Variants in KAZN observed in about 807,000 individuals in gnomAD.
The protein encoded by KAZN is kazrin, periplakin interacting protein.
A neutral mutation model predicts 87.4 loss-of-function variants in KAZN; 40 were observed. That is an observed-to-expected ratio of 0.46 (90% confidence interval 0.36 to 0.60). KAZN has a LOEUF of 0.60. KAZN is among the 20% of genes least tolerant of loss of function. The probability of loss-of-function intolerance (pLI) is 0.00; values close to 1 mark genes in which losing one functional copy is unlikely to be tolerated. For synonymous variants in KAZN, 466 were observed against 458.3 expected (o/e 1.02, Z -0.22); for missense variants, 898 against 1,073.9 (o/e 0.84, Z 2.29).
chr1:14,628,500 A>G (rs748864707), intron 1 of KAZN, among the ~76,000 whole-genome samples: 7 of 152,266 alleles, frequency 4.6e-5, no homozygotes, highest in Non-Finnish European at 7.3e-5. Context: ...CTGGAAGCAC[A>G]GAGACATGAA....
chr1:14,022,375 G>A (rs1305761162), intron 1 of KAZN, among the ~76,000 whole-genome samples: 2 of 150,730 alleles, frequency 1.3e-5, no homozygotes, highest in African/African-American at 4.9e-5. Context: ...TAAGAGAATT[G>A]CAAGTACACA....
chr1:14,105,332 A>G (rs901901816), intron 1 of KAZN, among the ~76,000 whole-genome samples: 5 of 152,240 alleles, frequency 3.3e-5, no homozygotes, highest in African/African-American at 1.2e-4. Context: ...CACTTGGCCA[A>G]GAGTTGGAGT....
intron 1 of KAZN, among the ~76,000 whole-genome samples, chr1:14,861,099 C>T (rs1373457160): frequency 2.6e-5 from 4 of 152,198 alleles, no homozygotes; most frequent in Admixed American, 6.5e-5. Context: ...ATAGCAAAGC[C>T]GGGTGCAGTG....
intron 1 of KAZN, among the ~76,000 whole-genome samples, chr1:13,988,823 T>C (rs547611606): frequency 2.6e-5 from 4 of 152,324 alleles, no homozygotes; most frequent in African/African-American, 9.6e-5. Context: ...TGAGAATGTG[T>C]TAAACTCTTT....
At chr1:14,152,421 A>C (rs1283637456) in intron 1 of KAZN, among the ~76,000 whole-genome samples, 1 of 152,246 alleles carries the variant, frequency 6.6e-6, no homozygotes, top group Non-Finnish European at 1.5e-5. Flanking sequence ...ATTACAAATA[A>C]GTGAGAACAT....
chr1:14,958,075 C>T (rs1404820853), intron 1 of KAZN, among the ~76,000 whole-genome samples: 2 of 152,182 alleles, frequency 1.3e-5, no homozygotes, highest in African/African-American at 4.8e-5. Context: ...GGCGCCCCAT[C>T]CTCAGGGCTC....
At chr1:15,033,864 G>C (rs541922096) in intron 2 of KAZN, among the ~76,000 whole-genome samples, 3 of 151,996 alleles carry the variant, frequency 2.0e-5, no homozygotes, top group Admixed American at 2.0e-4. Flanking sequence ...TCAGCCTCCC[G>C]AATAACTGGG....
chr1:14,756,166 C>A (rs1415748602), intron 1 of KAZN, among the ~76,000 whole-genome samples: 2 of 152,178 alleles, frequency 1.3e-5, no homozygotes, highest in African/African-American at 4.8e-5. Flanking sequence ...CCAGCTGGCC[C>A]AGGTATTTCT....
intron 1 of KAZN, among the ~76,000 whole-genome samples, chr1:13,951,217 C>T (rs1272896938): frequency 1.5e-4 from 23 of 152,158 alleles, no homozygotes; most frequent in Admixed American, 1.2e-3. Flanking sequence ...TCCTGGCTCC[C>T]GGAGAGGCAG....
Position 14,527,549 on chromosome 1 carries a change from C to CAAAA in KAZN, c.250-71421_250-71418dup, listed in dbSNP as rs34649606. 2.9e-4 allele frequency among the ~76,000 whole-genome samples: 32 copies of CAAAA among 108,854 alleles called. No individual in the cohort carries two copies. The East Asian group carries it at 7.0e-3, about 24-fold the overall frequency. The allele number at this position is 108,854 out of a possible 152,430, so 71.4% of individuals were successfully genotyped here. The stretch of plus-strand genomic sequence containing the variant: ...GGGCAACAGAGTGAGACTCTGTCTC[C>CAAAA]AAAAAAAAAAAAAAAACGATACAGG... On this transcript the variant is annotated intron_variant, in intron 2 of 16. Coordinates refer to the KAZN transcript ENST00000636203.
chr1:14,825,627 C>T (rs1304812902), intron 1 of KAZN, among the ~76,000 whole-genome samples: 2 of 152,186 alleles, frequency 1.3e-5, no homozygotes, highest in East Asian at 3.9e-4. Flanking sequence ...GTCACTTGCC[C>T]AAGGACACAT....
intron 2 of KAZN, among the ~76,000 whole-genome samples, chr1:14,404,180 C>T (rs1048051873): frequency 6.6e-6 from 1 of 152,138 alleles, no homozygotes; most frequent in African/African-American, 2.4e-5. Context: ...CTAGTTGACG[C>T]TGTATTACCT....
intron 1 of KAZN, among the ~76,000 whole-genome samples, chr1:13,931,823 C>T (rs542474880): frequency 6.6e-6 from 1 of 152,202 alleles, no homozygotes; most frequent in East Asian, 1.9e-4. Flanking sequence ...ATATAAGACA[C>T]CTTACAAAGG....
chr1:15,107,183 T>C (rs1229302339), intron 13 of KAZN, among the ~76,000 whole-genome samples: 2 of 152,164 alleles, frequency 1.3e-5, no homozygotes, highest in African/African-American at 2.4e-5. Context: ...TCCACAGTCA[T>C]TGAACACCTG....
chr1:14,984,304 G>A (rs1052172042), intron 2 of KAZN, among the ~76,000 whole-genome samples: 14 of 151,990 alleles, frequency 9.2e-5, no homozygotes, highest in Admixed American at 7.9e-4. Flanking sequence ...TTGAACCCAG[G>A]AGGCAGAGGT....
chr1:14,097,865 G>T (rs116003279), intron 1 of KAZN, among the ~76,000 whole-genome samples: 1 of 152,106 alleles, frequency 6.6e-6, no homozygotes, highest in Non-Finnish European at 1.5e-5. Context: ...CCCCAGATGA[G>T]CCCAGAGCTC....
chr1:14,521,618 C>A (rs933080450), intron 2 of KAZN, among the ~76,000 whole-genome samples: 2 of 152,194 alleles, frequency 1.3e-5, no homozygotes, highest in African/African-American at 2.4e-5. Context: ...AGGAAGAAAC[C>A]AGCAAAGCAA....
intron 2 of KAZN, among the ~76,000 whole-genome samples, chr1:14,517,347 G>A (rs1671350158): frequency 6.6e-6 from 1 of 152,026 alleles, no homozygotes; most frequent in South Asian, 2.1e-4. Context: ...ACAGAGAAAA[G>A]GAGGGCAGAA....
At chr1:14,627,478 C>G (rs939759760) in intron 1 of KAZN, among the ~76,000 whole-genome samples, 1 of 152,142 alleles carries the variant, frequency 6.6e-6, no homozygotes, top group African/African-American at 2.4e-5. Flanking sequence ...AGGCCTGATA[C>G]GATCTCACTC....
Sources: allele counts gnomAD v4.1 joint callset (sites outside exome capture counted in the v4.1 genomes callset), GRCh38; gene constraint gnomAD v4.1.1; transcripts MANE v1.5; gene names NCBI Gene and HGNC (gene_info 2026-07-23, HGNC 2026-07-21).